Variants in SMYD3 observed in about 807,000 individuals in gnomAD.
SMYD3 encodes the protein histone-lysine N-methyltransferase SMYD3.
A neutral mutation model predicts 57.7 loss-of-function variants in SMYD3; 36 were observed. The ratio of observed to expected loss-of-function variants is 0.62; its 90% CI spans 0.48 to 0.82. The LOEUF (loss-of-function observed/expected upper bound fraction) is 0.82, where lower values mean the gene tolerates loss of function less well. Among genes scored for constraint, SMYD3 ranks in the 40% least tolerant of loss-of-function variants. SMYD3 has a pLI of 0.00. For missense variants in SMYD3, 515 were observed against 538.8 expected (o/e 0.96, Z 0.44); for synonymous variants, 211 against 195.0 (o/e 1.08, Z -0.68).
intron 1 of SMYD3, among the ~76,000 whole-genome samples, chr1:246,370,080 A>C (rs2066169434): frequency 1.3e-5 from 2 of 152,206 alleles, no homozygotes; most frequent in African/African-American, 4.8e-5. Context: ...CTCCCCTTCC[A>C]CTGTCTGCAA....
At chr1:246,156,824 T>C (rs553671044) in intron 5 of SMYD3, among the ~76,000 whole-genome samples, 1 of 152,338 alleles carries the variant, frequency 6.6e-6, no homozygotes, top group South Asian at 2.1e-4. Context: ...GATGAGGAAT[T>C]ACCTACACTA....
At chr1:245,791,033 G>C in intron 10 of SMYD3, among the ~76,000 whole-genome samples, 1 of 152,114 alleles carries the variant, frequency 6.6e-6, no homozygotes. Context: ...TGATGTGCAG[G>C]AACTGGGGAG....
intron 5 of SMYD3, among the ~76,000 whole-genome samples, chr1:246,034,153 TAGAC>T (rs1482272822): frequency 1.3e-5 from 2 of 152,208 alleles, no homozygotes; most frequent in Non-Finnish European, 2.9e-5. Context: ...AAGTTGTACA[TAGAC>T]AGAATGCATC....
intron 5 of SMYD3, among the ~76,000 whole-genome samples, chr1:246,142,356 T>A (rs1023013597): frequency 1.3e-5 from 2 of 152,258 alleles, no homozygotes; most frequent in South Asian, 4.1e-4. Context: ...GCGTATTTTT[T>A]TTTTCTTTCC....
Position 246,481,593 on chromosome 1 carries a change from C to CATATATATATATATATATATATATATAT in SMYD3, c.164+25460_164+25461insATATATATATATATATATATATATATAT, listed in dbSNP as rs1200097586. ...ACGGATCATGGGACTTCTCAGGCTC[C>CATATATATATATATATATATATATATAT]ATATATATATATATACACATACATA... is the stretch of plus-strand genomic sequence containing the variant. On this transcript the variant is annotated intron_variant, in intron 1 of 11. Coordinates refer to ENST00000490107, the MANE Select transcript of SMYD3 (RefSeq NM_001167740.2). 2.9e-3 allele frequency among the ~76,000 whole-genome samples: 80 copies of CATATATATATATATATATATATATATAT among 27,896 alleles called. 1 individual carries two copies. Among genetic ancestry groups the CATATATATATATATATATATATATATAT allele is most frequent in the African/African-American group, 4.7e-3 (44 of 9,450 alleles). The allele number at this position is 27,896 out of a possible 152,430, so 18.3% of individuals were successfully genotyped here. A position where few individuals can be genotyped will look rare whatever the true frequency, so the allele number is the denominator to read the frequency against.
intron 10 of SMYD3, among the ~76,000 whole-genome samples, chr1:245,782,235 T>C (rs373977065): frequency 6.6e-6 from 1 of 152,210 alleles, no homozygotes; most frequent in Non-Finnish European, 1.5e-5. Context: ...TAATCTTGTC[T>C]CCAGAGGAGC....
At chr1:246,410,282 A>T (rs2066942543) in intron 1 of SMYD3, among the ~76,000 whole-genome samples, 1 of 152,136 alleles carries the variant, frequency 6.6e-6, no homozygotes, top group Non-Finnish European at 1.5e-5. Context: ...GTTTTTGTCC[A>T]TTCAGTATGA....
intron 10 of SMYD3, among the ~76,000 whole-genome samples, chr1:245,832,810 C>CT (rs902251331): frequency 2.0e-5 from 3 of 150,894 alleles, no homozygotes; most frequent in Non-Finnish European, 3.0e-5. Context: ...TTTCATGTGC[C>CT]TTTTTTTATA....
At chr1:246,487,225 T>C (rs1023416919) in intron 1 of SMYD3, among the ~76,000 whole-genome samples, 1 of 152,008 alleles carries the variant, frequency 6.6e-6, no homozygotes, top group African/African-American at 2.4e-5. Flanking sequence ...AGCGAGTGGA[T>C]CACTTGAAGC....
intron 5 of SMYD3, among the ~76,000 whole-genome samples, chr1:246,216,770 A>T (rs2063171255): frequency 6.6e-6 from 1 of 152,190 alleles, no homozygotes; most frequent in Non-Finnish European, 1.5e-5. Context: ...TTAGAGTATT[A>T]CAGTCAAGTA....
At chr1:246,053,902 C>G (rs2060104868) in intron 5 of SMYD3, among the ~76,000 whole-genome samples, 1 of 151,726 alleles carries the variant, frequency 6.6e-6, no homozygotes. Flanking sequence ...AAAACACAAA[C>G]TATAAAAGTA....
chr1:246,220,921 C>A (rs967198766), intron 5 of SMYD3, among the ~76,000 whole-genome samples: 15 of 152,028 alleles, frequency 9.9e-5, no homozygotes, highest in African/African-American at 3.6e-4. Context: ...CTGAGAGCTG[C>A]AGAGATGGTA....
chr1:246,126,379 C>T (rs2061510078), intron 5 of SMYD3, among the ~76,000 whole-genome samples: 1 of 152,202 alleles, frequency 6.6e-6, no homozygotes, highest in Admixed American at 6.5e-5. Flanking sequence ...GTGAGAAAAT[C>T]CTGTTACTTC....
intron 1 of SMYD3, among the ~76,000 whole-genome samples, chr1:246,402,083 C>T (rs577708562): frequency 2.4e-4 from 37 of 152,276 alleles, no homozygotes; most frequent in African/African-American, 8.9e-4. Flanking sequence ...AGAATAACCT[C>T]TCTAAACAGT....
At chr1:246,040,438 C>A (rs962239816) in intron 5 of SMYD3, among the ~76,000 whole-genome samples, 2 of 152,198 alleles carry the variant, frequency 1.3e-5, no homozygotes, top group Non-Finnish European at 2.9e-5. Flanking sequence ...GCTGACCCAA[C>A]GTCTCACTTC....
intron 1 of SMYD3, among the ~76,000 whole-genome samples, chr1:246,464,585 G>A (rs913277995): frequency 2.0e-5 from 3 of 152,110 alleles, no homozygotes; most frequent in Non-Finnish European, 2.9e-5. Flanking sequence ...CAAAATACAC[G>A]GGATCCAGGA....
At chr1:245,780,440 G>A (rs1185255611) in intron 10 of SMYD3, among the ~76,000 whole-genome samples, 3 of 152,284 alleles carry the variant, frequency 2.0e-5, no homozygotes, top group African/African-American at 7.2e-5. Flanking sequence ...CAAATTATAT[G>A]ATTCCATTTA....
At chr1:246,097,851 T>C (rs950099295) in intron 5 of SMYD3, among the ~76,000 whole-genome samples, 2 of 152,200 alleles carry the variant, frequency 1.3e-5, no homozygotes, top group Non-Finnish European at 2.9e-5. Flanking sequence ...TTGGTTTTCT[T>C]TGAGAATTTA....
chr1:246,392,632 G>A (rs1293675175), intron 1 of SMYD3, among the ~76,000 whole-genome samples: 1 of 151,790 alleles, frequency 6.6e-6, no homozygotes, highest in Non-Finnish European at 1.5e-5. Context: ...ATTTTTTGTA[G>A]AGATGTGGTC....
Sources: allele counts gnomAD v4.1 joint callset (sites outside exome capture counted in the v4.1 genomes callset), GRCh38; gene constraint gnomAD v4.1.1; transcripts MANE v1.5; gene names NCBI Gene and HGNC (gene_info 2026-07-23, HGNC 2026-07-21).